WIPF1: variants seen among roughly 807,000 people sequenced by gnomAD.
WIPF1 encodes the protein WAS/WASL interacting protein family member 1.
In WIPF1, 13 loss-of-function variants were observed where a neutral mutation model predicts 35.4. That is an observed-to-expected ratio of 0.37 (90% CI 0.24 to 0.58). The LOEUF is 0.58. WIPF1 is among the 20% of genes least tolerant of loss of function. The pLI, the probability that WIPF1 is intolerant of heterozygous loss-of-function variation, is 0.74. For missense variants in WIPF1, 591 were observed against 667.0 expected, an observed-to-expected ratio of 0.89 and a Z score of 1.25; for synonymous variants, 267 against 266.3, an observed-to-expected ratio of 1.00 and a Z score of -0.02.
At chr2:174,589,473 C>T (rs548515928) in intron 1 of WIPF1, among the ~76,000 whole-genome samples, 1 of 152,246 alleles carries the variant, frequency 6.6e-6, no homozygotes, top group East Asian at 1.9e-4. Flanking sequence ...AGGAGGGCTT[C>T]CCTCCTCTCA....
At chr2:174,682,762 C>G (rs1688282785) in intron 1 of WIPF1, 1 of 151,622 alleles carries the variant, frequency 6.6e-6, no homozygotes, top group Admixed American at 6.6e-5. Context: ...CCAGAGGCGA[C>G]GCGTCCCTTA....
chr2:174,679,206 C>T lies in WIPF1; in HGVS notation c.-39+3568G>A, dbSNP rs184174451. Reference sequence around the variant, plus strand: ...AGATACAGGGCTGGGTGCGGTGGCTCACGGCTGTAATCCCAGCACTTTGGG... The same window carrying T: ...AGATACAGGGCTGGGTGCGGTGGCTTACGGCTGTAATCCCAGCACTTTGGG... On this transcript the variant is annotated intron_variant, in intron 1 of 8. Coordinates refer to the WIPF1 transcript ENST00000272746. Among the ~76,000 whole-genome samples, 1,040 of 152,246 alleles carry T rather than the reference C, an allele frequency of 6.8e-3. 38 individuals carry two copies. Among genetic ancestry groups the T allele is most frequent in the Admixed American group, 0.061 (931 of 15,296 alleles).
intron 1 of WIPF1, among the ~76,000 whole-genome samples, chr2:174,604,187 C>A (rs750066705): frequency 7.2e-5 from 11 of 152,056 alleles, no homozygotes; most frequent in Admixed American, 2.6e-4. Context: ...TGTTTGTGCC[C>A]AGCTTTATAA....
chr2:174,574,687 A>G, intron 4 of WIPF1: 1 of 591,394 alleles, frequency 1.7e-6, no homozygotes, highest in Non-Finnish European at 3.0e-6. Context: ...GGCTCCCTGC[A>G]GAGACTCCTG....
At chr2:174,616,633 C>T (rs751024217) in intron 1 of WIPF1, among the ~76,000 whole-genome samples, 4 of 152,014 alleles carry the variant, frequency 2.6e-5, no homozygotes, top group Non-Finnish European at 4.4e-5. Flanking sequence ...CATTTTTGAG[C>T]GTTTAAAAAT....
intron 1 of WIPF1, among the ~76,000 whole-genome samples, chr2:174,681,765 G>A (rs1338821256): frequency 3.3e-5 from 5 of 152,128 alleles, no homozygotes; most frequent in Non-Finnish European, 7.4e-5. Context: ...AAGTCCACTT[G>A]GTCACTGAGC....
intron 1 of WIPF1, among the ~76,000 whole-genome samples, chr2:174,657,466 C>T (rs1687666041): frequency 6.6e-6 from 1 of 152,222 alleles, no homozygotes; most frequent in Admixed American, 6.5e-5. Flanking sequence ...GAAAAATCAG[C>T]TCCCAGGGTT....
In WIPF1 at chr2:174,585,629, C is replaced by A; in HGVS notation, c.-38-18G>T. 3 of 1,529,616 alleles carry A rather than the reference C, an allele frequency of 2.0e-6. No homozygotes were observed. The allele number at this position is 1,529,616 out of a possible 1,614,324, so 94.8% of individuals were successfully genotyped here. On this transcript the variant is annotated intron_variant, in intron 1 of 7. Transcript: ENST00000679041. ...TGATAAATCTGGAAAAACAAGAATGCGATCATGTATTAGATGTAATCTTAG... is the reference window on the plus strand; with the variant it reads ...TGATAAATCTGGAAAAACAAGAATGAGATCATGTATTAGATGTAATCTTAG...
chr2:174,676,315 C>CCTTT (rs1271286324), intron 1 of WIPF1: 2 of 55,070 alleles, frequency 3.6e-5, no homozygotes, highest in African/African-American at 1.5e-4. Flanking sequence ...TCCCTCCCTT[C>CCTTT]TTTTTTTTTT....
intron 3 of WIPF1, among the ~76,000 whole-genome samples, chr2:174,576,581 G>C (rs1685071542): frequency 6.6e-6 from 1 of 152,158 alleles, no homozygotes; most frequent in African/African-American, 2.4e-5. Flanking sequence ...AGGGTATAAA[G>C]ATCTTGTTTT....
At chr2:174,604,141 G>A (rs1686086343) in intron 1 of WIPF1, among the ~76,000 whole-genome samples, 1 of 152,174 alleles carries the variant, frequency 6.6e-6, no homozygotes, top group African/African-American at 2.4e-5. Context: ...AGGGCAAGAA[G>A]AGAAGTGTAC....
At position 174,572,091 on chromosome 2, in the gene WIPF1, G is replaced by C; in HGVS notation, c.714C>G (p.Ser238=). ...TALGGGSIRQ[S]PLSSSSPFSN... ...AGAAGGGCGAGGAGGAGCTCAAGGGGGACTGACGTATTGAGCCTCCTCCCA... is the reference window on the plus strand; with the variant it reads ...AGAAGGGCGAGGAGGAGCTCAAGGGCGACTGACGTATTGAGCCTCCTCCCA... The change falls in exon 5 of 8, where the codon TCC becomes TCG. Residue 238 remains serine, a synonymous_variant. Coordinates refer to ENST00000679041, the MANE Select transcript of WIPF1 (RefSeq NM_001375834.1). 1 of 1,585,460 alleles carries C rather than the reference G, an allele frequency of 6.3e-7. No individual in the cohort carries two copies. The highest frequency in any genetic ancestry group is 8.6e-7 in the Non-Finnish European group (1 of 1,166,480).
At chr2:174,614,774 A>T (rs1049193303) in intron 1 of WIPF1, among the ~76,000 whole-genome samples, 1 of 152,216 alleles carries the variant, frequency 6.6e-6, no homozygotes, top group African/African-American at 2.4e-5. Context: ...TATACTCTTA[A>T]CCTGCTGCAA....
upstream of WIPF1, among the ~76,000 whole-genome samples, chr2:174,601,102 T>A (rs977575920): frequency 6.6e-6 from 1 of 151,864 alleles, no homozygotes; most frequent in Non-Finnish European, 1.5e-5. Flanking sequence ...TTTTTTTGTA[T>A]TTTTAGTAGA....
At chr2:174,575,565 C>T (rs931009137) in intron 3 of WIPF1, 185 bp from the exon 4 acceptor site, 45 of 1,048,594 alleles carry the variant, frequency 4.3e-5, no homozygotes, top group Non-Finnish European at 5.3e-5. Context: ...CCAGGCAGTC[C>T]CAAGCCCAGT....
intron 1 of WIPF1, among the ~76,000 whole-genome samples, chr2:174,678,087 GGA>G (rs1385375446): frequency 6.6e-6 from 1 of 151,822 alleles, no homozygotes; most frequent in Non-Finnish European, 1.5e-5. Flanking sequence ...AGGGAAAGAG[GGA>G]GAGAGAATAA....
Position 174,646,823 on chromosome 2 carries a change from T to C in WIPF1, c.-39+35951A>G, listed in dbSNP as rs1574858509. Among the ~76,000 whole-genome samples the C allele has an allele frequency of 3.9e-5, 6 of 152,168 alleles. 1 individual carries two copies. The highest frequency in any genetic ancestry group is 1.5e-5 in the Non-Finnish European group (1 of 67,994). On this transcript the variant is annotated intron_variant, in intron 1 of 8. Coordinates refer to the WIPF1 transcript ENST00000272746. The stretch of plus-strand genomic sequence containing the variant: ...AGAGACAGGGTTTTGCCATGTTGCC[T>C]AGGTGGGTCTCGAACTCCTGGGCTC...
intron 1 of WIPF1, among the ~76,000 whole-genome samples, chr2:174,592,464 A>C (rs2358889): frequency 0.31 from 46,679 of 151,200 alleles, 7,374 homozygotes; most frequent in Middle Eastern, 0.38. Context: ...TCTTTTCCCC[A>C]AAAAGATTGA....
intron 1 of WIPF1, chr2:174,677,250 T>C (rs1334514985): frequency 6.6e-6 from 1 of 152,240 alleles, no homozygotes; most frequent in African/African-American, 2.4e-5. Context: ...GATACTCTTC[T>C]GCAAAACAAA....
Sources: gnomAD v4.1 joint callset for allele counts (sites outside exome capture counted in the v4.1 genomes callset) on GRCh38, gnomAD v4.1.1 for gene constraint, MANE v1.5 for transcripts, NCBI Gene and HGNC (gene_info 2026-07-23, HGNC 2026-07-21) for gene names.